Variants in MLLT1 observed in about 807,000 individuals in gnomAD.
The protein encoded by MLLT1 is MLLT1 super elongation complex subunit, also known as protein ENL.
Under a neutral mutation model 55.1 loss-of-function variants are expected in MLLT1, and 11 were observed. That is an observed-to-expected ratio of 0.20 (90% CI 0.13 to 0.33). The LOEUF (loss-of-function observed/expected upper bound fraction) is 0.33, where lower values mean the gene tolerates loss of function less well. MLLT1 is among the 10% of genes least tolerant of loss of function. MLLT1 has a pLI of 1.00. For missense variants in MLLT1, 536 were observed against 760.6 expected, an observed-to-expected ratio of 0.70 and a Z score of 3.47; for synonymous variants, 323 against 320.1, an observed-to-expected ratio of 1.01 and a Z score of -0.10.
At chr19:6,248,904 T>C (rs926708059) in intron 3 of MLLT1, among the ~76,000 whole-genome samples, 1 of 152,188 alleles carries the variant, frequency 6.6e-6, no homozygotes, top group East Asian at 1.9e-4. Context: ...AGCTCTTCTG[T>C]GTCTAAAATT....
At chr19:6,260,460 G>A (rs891240592) in intron 3 of MLLT1, among the ~76,000 whole-genome samples, 5 of 152,244 alleles carry the variant, frequency 3.3e-5, no homozygotes, top group African/African-American at 1.2e-4. Flanking sequence ...GGAGCGGCTG[G>A]CCTGCATCTC....
chr19:6,251,885 G>A (rs1317306347), intron 3 of MLLT1, among the ~76,000 whole-genome samples: 1 of 152,170 alleles, frequency 6.6e-6, no homozygotes. Context: ...GCCCAAGGAG[G>A]TCAAGGCTGC....
Position 6,270,522 on chromosome 19 carries a change from G to A in MLLT1, c.193+57C>T. ...AGGGAGGGGTGGAGCCTGGCCTTGG[G>A]AGGAGTGAAGACAGATGGGTCCGTG... On this transcript the variant is annotated intron_variant, in intron 2 of 11. Transcript: ENST00000252674. The surrounding 1 kb of genome is among the most constrained non-coding windows in gnomAD (Gnocchi z 7.1). 6.5e-7 allele frequency: 1 copy of A among 1,532,750 alleles called. No individual in the cohort carries two copies. The highest frequency in any genetic ancestry group is 8.8e-7 in the Non-Finnish European group (1 of 1,134,008). The allele number at this position is 1,532,750 out of a possible 1,614,324, so 94.9% of individuals were successfully genotyped here.
chr19:6,267,969 C>T (rs914230638), intron 2 of MLLT1, among the ~76,000 whole-genome samples: 2 of 151,936 alleles, frequency 1.3e-5, no homozygotes, highest in Admixed American at 6.6e-5. Flanking sequence ...CTGCAGGCAC[C>T]GAACATGTAG....
chr19:6,228,512 C>T (rs57546416), intron 4 of MLLT1, among the ~76,000 whole-genome samples: 49,693 of 152,118 alleles, frequency 0.33, 9,783 homozygotes, highest in African/African-American at 0.55. Flanking sequence ...AGACAAGACA[C>T]GGTCCTAAGG....
chr19:6,233,164 C>T (rs866510115), intron 3 of MLLT1, among the ~76,000 whole-genome samples: 3 of 152,234 alleles, frequency 2.0e-5, no homozygotes, highest in Non-Finnish European at 4.4e-5. Context: ...AGCCTGCCTG[C>T]AGTGCCGGAC....
In MLLT1 at chr19:6,210,908, G is replaced by A. The variant is rs1029543068; in HGVS notation, c.*2134C>T. On this transcript the variant is annotated 3_prime_UTR_variant, in exon 12 of 12. Coordinates refer to ENST00000252674, the MANE Select transcript of MLLT1 (RefSeq NM_005934.4). The surrounding 1 kb of genome is among the most constrained non-coding windows in gnomAD (Gnocchi z 4.6). ...TCTGGAGGACAACGTGAGGCCTTCCGGCCAGAGGAGGTAACTGAGAACTGG... is the reference window on the plus strand; with the variant it reads ...TCTGGAGGACAACGTGAGGCCTTCCAGCCAGAGGAGGTAACTGAGAACTGG... 17 of 230,640 alleles carry A rather than the reference G, an allele frequency of 7.4e-5. 1 individual carries two copies. Among genetic ancestry groups the A allele is most frequent in the Middle Eastern group, 1.3e-3 (1 of 796 alleles). 14.3% of individuals were successfully genotyped at this position (230,640 alleles called of 1,614,324 possible).
At chr19:6,241,941 A>G (rs1049868882) in intron 3 of MLLT1, among the ~76,000 whole-genome samples, 3 of 152,132 alleles carry the variant, frequency 2.0e-5, no homozygotes, top group Non-Finnish European at 2.9e-5. Flanking sequence ...TCCCTGGCGG[A>G]GCGCTCTATG....
At chr19:6,242,545 ACTT>A (rs1176460472) in intron 3 of MLLT1, among the ~76,000 whole-genome samples, 4 of 151,982 alleles carry the variant, frequency 2.6e-5, no homozygotes, top group African/African-American at 9.7e-5. Context: ...ACCAAAATAA[ACTT>A]CTTTTTCACA....
At chr19:6,238,467 T>C (rs2091083573) in intron 3 of MLLT1, among the ~76,000 whole-genome samples, 1 of 152,194 alleles carries the variant, frequency 6.6e-6, no homozygotes, top group African/African-American at 2.4e-5. Context: ...AAGCACCCCA[T>C]GCAGGCTGGC....
Position 6,256,584 on chromosome 19 carries a change from C to A in MLLT1, c.276+5644G>T, listed in dbSNP as rs1366580575. Among the ~76,000 whole-genome samples, 2 of 152,026 alleles carry A rather than the reference C, an allele frequency of 1.3e-5. No homozygotes were observed. The highest frequency in any genetic ancestry group is 2.9e-5 in the Non-Finnish European group (2 of 68,018). ...CCTGGCTAACACGGTGAAACCTGGTCTCTACTACAAATACAAAAAATTAGC... is the reference window on the plus strand; with the variant it reads ...CCTGGCTAACACGGTGAAACCTGGTATCTACTACAAATACAAAAAATTAGC... On this transcript the variant is annotated intron_variant, in intron 3 of 11. Coordinates refer to ENST00000252674, the MANE Select transcript of MLLT1 (RefSeq NM_005934.4). The surrounding 1 kb of genome is among the most constrained non-coding windows in gnomAD (Gnocchi z 4.1).
intron 3 of MLLT1, among the ~76,000 whole-genome samples, chr19:6,243,535 G>C (rs1257245006): frequency 1.3e-5 from 2 of 152,178 alleles, no homozygotes; most frequent in African/African-American, 4.8e-5. Context: ...CAGAGCTTAC[G>C]CCCAAAGAGG....
At position 6,226,912 on chromosome 19, in the gene MLLT1, G is replaced by A. The variant is rs1021584178; in HGVS notation, c.546+65C>T. On this transcript the variant is annotated intron_variant, in intron 5 of 11. Coordinates refer to ENST00000252674, the MANE Select transcript of MLLT1 (RefSeq NM_005934.4). This position sits in a 1 kb window ranked among gnomAD's most constrained non-coding sequence, Gnocchi z 6.3. ...CCCAGCCCAGTGGAGGGAGGGCGCC[G>A]GGGCCAGACCCACCACAGCTGGGCC... The A allele has an allele frequency of 2.3e-5, 33 of 1,408,528 alleles. No homozygotes were observed. In the South Asian group the frequency reaches 2.9e-4, roughly 12 times the overall value. 87.3% of individuals were successfully genotyped at this position (1,408,528 alleles called of 1,614,324 possible). A position where few individuals can be genotyped will look rare whatever the true frequency, so the allele number is the denominator to read the frequency against.
chr19:6,228,733 G>A (rs1299428364), intron 4 of MLLT1, among the ~76,000 whole-genome samples: 1 of 152,126 alleles, frequency 6.6e-6, no homozygotes, highest in Non-Finnish European at 1.5e-5. Context: ...AGGAGCCCCT[G>A]CCACCGAGGC....
At chr19:6,272,192 G>A (rs1040549246) in intron 1 of MLLT1, among the ~76,000 whole-genome samples, 3 of 151,774 alleles carry the variant, frequency 2.0e-5, no homozygotes, top group South Asian at 2.1e-4. Context: ...TGAGACGCTC[G>A]TCTCTTTTCA....
At position 6,273,803 on chromosome 19, in the gene MLLT1, A is replaced by G. The variant is rs1487417309; in HGVS notation, c.13-3044T>C. Among the ~76,000 whole-genome samples, 1 of 152,202 alleles carries G rather than the reference A, an allele frequency of 6.6e-6. No individual in the cohort carries two copies. Among genetic ancestry groups the G allele is most frequent in the African/African-American group, 2.4e-5 (1 of 41,448 alleles). ...TGACAGTGTCTCCTCGGAATCGCTT[A>G]TTCACTGACCCGGCCACTCAGACCT... On this transcript the variant is annotated intron_variant, in intron 1 of 11. Transcript: ENST00000252674. This position sits in a 1 kb window ranked among gnomAD's most constrained non-coding sequence, Gnocchi z 4.3.
chr19:6,250,841 CCTGCA>C (rs1320504885), intron 3 of MLLT1, among the ~76,000 whole-genome samples: 1 of 152,132 alleles, frequency 6.6e-6, no homozygotes, highest in Admixed American at 6.5e-5. Context: ...GTGGGAACAG[CCTGCA>C]TGGCCGTCAA....
intron 3 of MLLT1, among the ~76,000 whole-genome samples, chr19:6,238,676 A>G (rs1340185477): frequency 6.6e-6 from 1 of 152,266 alleles, no homozygotes; most frequent in African/African-American, 2.4e-5. Flanking sequence ...AGCTGGGAAG[A>G]CAGTGGGGAA....
At position 6,256,580 on chromosome 19, in the gene MLLT1, T is replaced by G. The variant is rs962578485; in HGVS notation, c.276+5648A>C. Among the ~76,000 whole-genome samples the G allele has an allele frequency of 1.3e-5, 2 of 152,120 alleles. No homozygotes were observed. The highest frequency in any genetic ancestry group is 3.9e-4 in the East Asian group (2 of 5,142). On this transcript the variant is annotated intron_variant, in intron 3 of 11. Coordinates refer to ENST00000252674, the MANE Select transcript of MLLT1 (RefSeq NM_005934.4). The surrounding 1 kb of genome is among the most constrained non-coding windows in gnomAD (Gnocchi z 4.1). ...CCATCCTGGCTAACACGGTGAAACC[T>G]GGTCTCTACTACAAATACAAAAAAT... is the stretch of plus-strand genomic sequence containing the variant.
Sources: gnomAD v4.1 joint callset for allele counts (sites outside exome capture counted in the v4.1 genomes callset) on GRCh38, gnomAD v4.1.1 for gene constraint, Gnocchi (gnomAD v3.1) non-coding constraint, MANE v1.5 for transcripts, NCBI Gene and HGNC (gene_info 2026-07-23, HGNC 2026-07-21) for gene names.